Variants in DLGAP2 observed in about 807,000 individuals in gnomAD.
DLGAP2 encodes the protein disks large-associated protein 2.
In DLGAP2, 26 loss-of-function variants were observed where a neutral mutation model predicts 100.3. That is an observed-to-expected ratio of 0.26 (90% CI 0.19 to 0.36). DLGAP2 has a LOEUF of 0.36. Among genes scored for constraint, DLGAP2 ranks in the 10% least tolerant of loss-of-function variants. DLGAP2 has a pLI of 1.00. For missense variants in DLGAP2, 1,858 were observed against 1,453.2 expected (o/e 1.28, Z -4.53); for synonymous variants, 886 against 630.1 (o/e 1.41, Z -6.08).
chr8:1,178,347 C>T (rs75783779), intron 2 of DLGAP2, among the ~76,000 whole-genome samples: 19,353 of 152,024 alleles, frequency 0.13, 1,358 homozygotes, highest in East Asian at 0.22. Flanking sequence ...GCCGGGGTTG[C>T]GGAGGGGCGG....
intron 2 of DLGAP2, among the ~76,000 whole-genome samples, chr8:1,066,527 C>G (rs1207763566): frequency 1.3e-5 from 2 of 149,878 alleles, no homozygotes; most frequent in African/African-American, 5.0e-5. Flanking sequence ...CCACCACGGT[C>G]AGGTCTGAGT....
At chr8:869,676 G>A (rs56753929) in intron 1 of DLGAP2, among the ~76,000 whole-genome samples, 1,783 of 152,234 alleles carry the variant, frequency 0.012, 41 homozygotes, top group African/African-American at 0.041. Context: ...ATGAATATGC[G>A]CATGTTTTGA....
In DLGAP2 at chr8:1,683,854, A is replaced by ATG. The variant is rs1194440969; in HGVS notation, c.2704+5226_2704+5227insGT. 1.8e-3 allele frequency among the ~76,000 whole-genome samples: 132 copies of ATG among 72,940 alleles called. 3 individuals carry two copies. The highest frequency in any genetic ancestry group is 6.6e-3 in the Middle Eastern group (1 of 152). 47.9% of individuals were successfully genotyped at this position (72,940 alleles called of 152,430 possible). ...CTCCACTATATATATATATATATAT[A>ATG]TATGTGTGTGTGTGTGTGTGTGTGT... On this transcript the variant is annotated intron_variant, in intron 12 of 14. Transcript: ENST00000637795.
chr8:1,351,218 C>G (rs201375660), intron 3 of DLGAP2, among the ~76,000 whole-genome samples: 513 of 29,796 alleles, frequency 0.017, 5 homozygotes, highest in East Asian at 0.091. Flanking sequence ...CGGGTCCTGA[C>G]TGTGTGTGGA....
intron 7 of DLGAP2, 43 bp from the exon 8 acceptor site, chr8:1,632,784 C>A (rs371385968): frequency 3.2e-5 from 49 of 1,546,306 alleles, no homozygotes; most frequent in Middle Eastern, 1.7e-4. Flanking sequence ...GTGATGGTGA[C>A]CCTGGAGGGC....
At chr8:1,243,721 C>T (rs1382371841) in intron 2 of DLGAP2, among the ~76,000 whole-genome samples, 1 of 152,166 alleles carries the variant, frequency 6.6e-6, no homozygotes, top group African/African-American at 2.4e-5. Context: ...TGCCCTGATC[C>T]TCCTCAAGTC....
At chr8:1,506,277 A>C (rs990922424) in intron 4 of DLGAP2, among the ~76,000 whole-genome samples, 1 of 152,220 alleles carries the variant, frequency 6.6e-6, no homozygotes, top group African/African-American at 2.4e-5. Context: ...TTGTCATTTT[A>C]TCGTCCATAC....
At chr8:1,682,681 C>A (rs1017120790) in intron 12 of DLGAP2, among the ~76,000 whole-genome samples, 4 of 151,258 alleles carry the variant, frequency 2.6e-5, no homozygotes, top group African/African-American at 9.7e-5. Flanking sequence ...ACCATGTTGG[C>A]CAGGATAATC....
At chr8:1,123,641 G>GA (rs143557226) in intron 2 of DLGAP2, among the ~76,000 whole-genome samples, 15,697 of 151,916 alleles carry the variant, frequency 0.1, 975 homozygotes, top group East Asian at 0.19. Context: ...ATTCCTAAGG[G>GA]AAAAAAAGAA....
intron 2 of DLGAP2, among the ~76,000 whole-genome samples, chr8:1,027,308 T>G (rs2129026749): frequency 6.6e-6 from 1 of 152,294 alleles, no homozygotes; most frequent in Non-Finnish European, 1.5e-5. Context: ...GTGCCCATTA[T>G]TCTCCAGATG....
chr8:1,544,114 G>GC (rs1801454292), intron 4 of DLGAP2, among the ~76,000 whole-genome samples: 1 of 152,004 alleles, frequency 6.6e-6, no homozygotes, highest in South Asian at 2.1e-4. Context: ...TGTTGTCCAG[G>GC]CTGGTCTCAA....
intron 2 of DLGAP2, among the ~76,000 whole-genome samples, chr8:986,301 C>T (rs957383020): frequency 6.6e-6 from 1 of 152,048 alleles, no homozygotes; most frequent in African/African-American, 2.4e-5. Context: ...ATGCTAATGG[C>T]AATGTGAATT....
intron 6 of DLGAP2, among the ~76,000 whole-genome samples, chr8:1,598,961 G>A (rs1277595019): frequency 6.6e-6 from 1 of 151,976 alleles, no homozygotes; most frequent in African/African-American, 2.4e-5. Flanking sequence ...GTGATTTTAG[G>A]GTGTTGATTT....
At chr8:871,781 G>C (rs1019417845) in intron 1 of DLGAP2, among the ~76,000 whole-genome samples, 7 of 152,194 alleles carry the variant, frequency 4.6e-5, no homozygotes, top group Admixed American at 3.3e-4. Flanking sequence ...TGGATTTACA[G>C]ATCAATGGGA....
chr8:1,043,001 G>T, intron 2 of DLGAP2, among the ~76,000 whole-genome samples: 1 of 136,248 alleles, frequency 7.3e-6, no homozygotes, highest in Non-Finnish European at 1.6e-5. Flanking sequence ...GATGTGGGTG[G>T]TGGGTGTGGG....
chr8:1,532,165 C>G (rs949334199), intron 4 of DLGAP2, among the ~76,000 whole-genome samples: 1 of 152,130 alleles, frequency 6.6e-6, no homozygotes, highest in African/African-American at 2.4e-5. Context: ...CAGGTTTGCC[C>G]TGAGCAGTTC....
At chr8:1,240,686 A>ATGTCTGGTTCTCTCACATGGTGACG (rs1798769112) in intron 2 of DLGAP2, among the ~76,000 whole-genome samples, 1 of 135,606 alleles carries the variant, frequency 7.4e-6, no homozygotes, top group South Asian at 2.5e-4. Flanking sequence ...ACATGGCGCC[A>ATGTCTGGTTCTCTCACATGGTGACG]TGTCTGGTTC....
chr8:1,087,867 A>G (rs1380465171), intron 2 of DLGAP2, among the ~76,000 whole-genome samples: 2 of 152,170 alleles, frequency 1.3e-5, no homozygotes, highest in Admixed American at 6.5e-5. Flanking sequence ...AAAGCTCTGG[A>G]TCCTTCTGCC....
At chr8:1,054,600 C>A (rs142385810) in intron 2 of DLGAP2, among the ~76,000 whole-genome samples, 2,355 of 152,200 alleles carry the variant, frequency 0.015, 68 homozygotes, top group African/African-American at 0.053. Context: ...AAAACATGCC[C>A]AGTAATTTAT....
Sources: allele counts gnomAD v4.1 joint callset (sites outside exome capture counted in the v4.1 genomes callset), GRCh38; gene constraint gnomAD v4.1.1; transcripts MANE v1.5; gene names NCBI Gene and HGNC (gene_info 2026-07-23, HGNC 2026-07-21).